The following WWOX variants were observed in gnomAD, a reference collection of about 807,000 sequenced individuals.
The protein encoded by WWOX is WW domain containing oxidoreductase, also known as WW domain-containing oxidoreductase.
Under a neutral mutation model 46.2 loss-of-function variants are expected in WWOX, and 69 were observed. The ratio of observed to expected loss-of-function variants is 1.49; its 90% CI spans 1.23 to 1.82. The LOEUF (loss-of-function observed/expected upper bound fraction) is 1.82, where lower values mean the gene tolerates loss of function less well. Among genes scored for constraint, WWOX ranks in the 40% most tolerant of loss-of-function variants. The pLI is 0.00. For missense variants in WWOX, 919 were observed against 542.6 expected, an observed-to-expected ratio of 1.69 and a Z score of -6.89; for synonymous variants, 359 against 202.6, an observed-to-expected ratio of 1.77 and a Z score of -6.56.
At position 79,050,935 on chromosome 16, in the gene WWOX, C is replaced by A. The variant is rs11648205; in HGVS notation, c.1057-160673C>A. The stretch of plus-strand genomic sequence containing the variant: ...AAAAGGCAAAGTGGTTGAGGAGAAA[C>A]GAGAAATTACAGCCCAGATTAGCAG... On this transcript the variant is annotated intron_variant, in intron 8 of 8. Transcript: ENST00000566780. Among the ~76,000 whole-genome samples, 4 of 152,286 alleles carry A rather than the reference C, an allele frequency of 2.6e-5. No homozygotes were observed. In the East Asian group the frequency reaches 7.7e-4, roughly 29 times the overall value.
At chr16:78,808,876 T>C (rs1305043508) in intron 8 of WWOX, among the ~76,000 whole-genome samples, 1 of 152,176 alleles carries the variant, frequency 6.6e-6, no homozygotes, top group African/African-American at 2.4e-5. Flanking sequence ...CAAAATATAG[T>C]TGTGTGGCTT....
intron 8 of WWOX, chr16:78,899,584 G>C (rs2044777944): frequency 6.6e-6 from 1 of 152,132 alleles, no homozygotes; most frequent in African/African-American, 2.4e-5. Flanking sequence ...CACTCATCCT[G>C]AACAACGGGA....
At chr16:79,080,569 C>G (rs916514294) in intron 8 of WWOX, among the ~76,000 whole-genome samples, 1 of 152,224 alleles carries the variant, frequency 6.6e-6, no homozygotes, top group Non-Finnish European at 1.5e-5. Flanking sequence ...GATTGTCTAA[C>G]ACTGAATCTC....
chr16:79,035,136 C>A (rs1056831268), intron 8 of WWOX, among the ~76,000 whole-genome samples: 1 of 152,178 alleles, frequency 6.6e-6, no homozygotes, highest in East Asian at 1.9e-4. Flanking sequence ...TATCTGTGAT[C>A]TCATCATTTG....
At chr16:78,484,146 A>G (rs2084568391) in intron 8 of WWOX, among the ~76,000 whole-genome samples, 2 of 152,352 alleles carry the variant, frequency 1.3e-5, no homozygotes, top group Admixed American at 1.3e-4. Flanking sequence ...AGTGCTTTGT[A>G]TAAACATATG....
At chr16:78,280,928 C>A in intron 5 of WWOX, 1 of 153,280 alleles carries the variant, frequency 6.5e-6, no homozygotes, top group South Asian at 1.9e-4. Flanking sequence ...AACAACTGTT[C>A]GAGAATTATG....
intron 5 of WWOX, among the ~76,000 whole-genome samples, chr16:78,190,731 C>G (rs1387224373): frequency 1.3e-5 from 2 of 152,138 alleles, no homozygotes; most frequent in Admixed American, 6.5e-5. Context: ...AGCTCATTTT[C>G]TATGTGGATG....
chr16:78,306,792 C>A (rs551937842), intron 5 of WWOX, among the ~76,000 whole-genome samples: 3 of 151,872 alleles, frequency 2.0e-5, no homozygotes, highest in African/African-American at 7.3e-5. Context: ...CCCACAATCC[C>A]CACTGAGTCC....
At position 78,621,140 on chromosome 16, in the gene WWOX, G is replaced by C. The variant is rs563151130; in HGVS notation, c.1056+188388G>C. 2.6e-4 allele frequency among the ~76,000 whole-genome samples: 39 copies of C among 152,234 alleles called. No homozygotes were observed. The East Asian group carries it at 6.6e-3, about 26-fold the overall frequency. On this transcript the variant is annotated intron_variant, in intron 8 of 8. Coordinates refer to ENST00000566780, the MANE Select transcript of WWOX (RefSeq NM_016373.4). The stretch of plus-strand genomic sequence containing the variant: ...GCTGGGTTTTAATGGGCAGGGTATA[G>C]TGCAGAAACCAGATGGTTTTAACTC...
chr16:78,736,881 T>G (rs2049104691), intron 8 of WWOX, among the ~76,000 whole-genome samples: 2 of 152,092 alleles, frequency 1.3e-5, no homozygotes, highest in African/African-American at 4.8e-5. Flanking sequence ...AGTGCTGGGA[T>G]TATAGGCATG....
At chr16:78,421,172 C>G (rs981785514) in intron 6 of WWOX, among the ~76,000 whole-genome samples, 2 of 151,998 alleles carry the variant, frequency 1.3e-5, no homozygotes, top group Admixed American at 6.6e-5. Flanking sequence ...AACAAATTAC[C>G]ACAGATGGAG....
chr16:78,943,082 C>G (rs375514704), intron 8 of WWOX, among the ~76,000 whole-genome samples: 1 of 152,196 alleles, frequency 6.6e-6, no homozygotes, highest in African/African-American at 2.4e-5. Flanking sequence ...ATGACGGCAA[C>G]TATTTTAAAT....
intron 8 of WWOX, among the ~76,000 whole-genome samples, chr16:78,763,799 C>G (rs1288977550): frequency 6.6e-6 from 1 of 152,194 alleles, no homozygotes; most frequent in Non-Finnish European, 1.5e-5. Flanking sequence ...CAGTTAAGAC[C>G]TAGCCGAAGC....
intron 8 of WWOX, among the ~76,000 whole-genome samples, chr16:78,452,151 T>A (rs1056393411): frequency 5.9e-5 from 9 of 152,200 alleles, no homozygotes; most frequent in African/African-American, 2.2e-4. Context: ...CCACAGAATC[T>A]CTTAATACCA....
intron 8 of WWOX, among the ~76,000 whole-genome samples, chr16:78,545,928 C>T (rs2044020555): frequency 6.6e-6 from 1 of 152,146 alleles, no homozygotes; most frequent in African/African-American, 2.4e-5. Context: ...CTTATGACAT[C>T]ATTTAACTTA....
intron 8 of WWOX, among the ~76,000 whole-genome samples, chr16:78,902,209 G>T (rs16948787): frequency 0.11 from 17,404 of 152,240 alleles, 1,159 homozygotes; most frequent in South Asian, 0.23. Flanking sequence ...AAACCATCCT[G>T]TGTGCTGTAG....
In WWOX at chr16:78,886,210, C is replaced by G. The variant is rs569626919; in HGVS notation, c.1057-325398C>G. ...AAAGTGCTCGGATTACAGGCATGAA[C>G]CACTGCGCCTGACTGTACTTTTTTT... On this transcript the variant is annotated intron_variant, in intron 8 of 8. Transcript: ENST00000566780. 2.0e-5 allele frequency among the ~76,000 whole-genome samples: 3 copies of G among 149,740 alleles called. No individual in the cohort carries two copies. The Admixed American group carries it at 2.0e-4, about 10-fold the overall frequency.
chr16:78,432,881 A>G, intron 8 of WWOX, 129 bp downstream of exon 8: 1 of 1,411,002 alleles, frequency 7.1e-7, no homozygotes, highest in Non-Finnish European at 1.0e-6. Flanking sequence ...AGCCCATCAT[A>G]AAGGGCTCTT....
At chr16:78,386,775 G>A (rs1216740355) in intron 5 of WWOX, 85 bp from the exon 6 acceptor site, 11 of 1,216,458 alleles carry the variant, frequency 9.0e-6, no homozygotes. Context: ...ATTCCGACAT[G>A]TTCCATAACA....
Sources: gnomAD v4.1 joint callset for allele counts (sites outside exome capture counted in the v4.1 genomes callset) on GRCh38, gnomAD v4.1.1 for gene constraint, MANE v1.5 for transcripts, NCBI Gene and HGNC (gene_info 2026-07-23, HGNC 2026-07-21) for gene names.